FREM2: variants seen among roughly 807,000 people sequenced by gnomAD.
FREM2 encodes FRAS1 related extracellular matrix 2.
In FREM2, 119 loss-of-function variants were observed where a neutral mutation model predicts 219.9. The ratio of observed to expected loss-of-function variants is 0.54; its 90% CI spans 0.47 to 0.63. FREM2 has a LOEUF of 0.63. Ranked by LOEUF, FREM2 falls within the 30% of genes least tolerant of loss-of-function variation. FREM2 has a pLI of 0.00. For missense variants in FREM2, 4,030 were observed against 3,993.6 expected (o/e 1.01, Z -0.25); for synonymous variants, 1,562 against 1,522.8 (o/e 1.03, Z -0.60).
At chr13:38,871,483 G>A (rs1443776610) in intron 16 of FREM2, among the ~76,000 whole-genome samples, 3 of 152,076 alleles carry the variant, frequency 2.0e-5, no homozygotes, top group South Asian at 4.1e-4. Flanking sequence ...GCTATTTTGA[G>A]AATGAAATAT....
At chr13:38,832,250 C>T (rs1876539692) in intron 6 of FREM2, among the ~76,000 whole-genome samples, 1 of 151,960 alleles carries the variant, frequency 6.6e-6, no homozygotes, top group Admixed American at 6.6e-5. Flanking sequence ...AGCGACAGAG[C>T]AAGACTCTGT....
chr13:38,854,030 A>G (rs1280831754), intron 11 of FREM2, among the ~76,000 whole-genome samples: 2 of 151,868 alleles, frequency 1.3e-5, no homozygotes, highest in Non-Finnish European at 2.9e-5. Flanking sequence ...TGTGTTTTAT[A>G]ATGTTTATAT....
chr13:38,771,051 G>A lies in FREM2; in HGVS notation c.5641+1243G>A, dbSNP rs115251223. On this transcript the variant is annotated intron_variant, in intron 4 of 23. Transcript: ENST00000280481. ...GGTTTGCAAAGATACAATCTACAGA[G>A]TACATGAAATGGAGACCTGTGTGGA... Among the ~76,000 whole-genome samples the A allele has an allele frequency of 6.0e-3, 916 of 152,218 alleles. 19 individuals carry two copies. Among genetic ancestry groups the A allele is most frequent in the African/African-American group, 0.021 (889 of 41,538 alleles).
At chr13:38,741,026 C>A (rs1872220528) in intron 2 of FREM2, among the ~76,000 whole-genome samples, 1 of 152,156 alleles carries the variant, frequency 6.6e-6, no homozygotes, top group Non-Finnish European at 1.5e-5. Context: ...AGTATGTGTT[C>A]TTTTGCTTTA....
chr13:38,777,063 A>G (rs761994166), intron 4 of FREM2, among the ~76,000 whole-genome samples: 3 of 151,714 alleles, frequency 2.0e-5, no homozygotes, highest in South Asian at 4.1e-4. Flanking sequence ...ACATACTAAT[A>G]TACTATATAC....
At chr13:38,844,426 A>G (rs1217686978) in intron 6 of FREM2, among the ~76,000 whole-genome samples, 2 of 152,300 alleles carry the variant, frequency 1.3e-5, no homozygotes, top group East Asian at 1.9e-4. Flanking sequence ...TACTACACCC[A>G]TAAGACTTCC....
At chr13:38,714,912 C>A (rs1456376045) in intron 2 of FREM2, among the ~76,000 whole-genome samples, 1 of 136,990 alleles carries the variant, frequency 7.3e-6, no homozygotes, top group African/African-American at 2.7e-5. Flanking sequence ...ATGGAGAAAA[C>A]CCCCTCTACT....
At chr13:38,866,158 A>T (rs562764856) in intron 16 of FREM2, among the ~76,000 whole-genome samples, 188 of 152,260 alleles carry the variant, frequency 1.2e-3, no homozygotes, top group Non-Finnish European at 2.2e-3. Context: ...ACAAAATTGG[A>T]TATAGAAATA....
chr13:38,817,587 T>C (rs928667810), intron 6 of FREM2, among the ~76,000 whole-genome samples: 5 of 151,980 alleles, frequency 3.3e-5, no homozygotes, highest in African/African-American at 1.2e-4. Context: ...AGGATCTTAG[T>C]GTAAAATCTG....
intron 2 of FREM2, among the ~76,000 whole-genome samples, chr13:38,756,804 G>T (rs1193094634): frequency 2.0e-5 from 3 of 151,642 alleles, no homozygotes; most frequent in Non-Finnish European, 4.4e-5. Flanking sequence ...GCCTTCCAAA[G>T]TGCTGGGATT....
chr13:38,776,966 A>G (rs1243880862), intron 4 of FREM2, among the ~76,000 whole-genome samples: 1 of 152,076 alleles, frequency 6.6e-6, no homozygotes, highest in African/African-American at 2.4e-5. Flanking sequence ...CACCTTCACA[A>G]AGACAGCAGC....
At chr13:38,803,397 T>C (rs1175414700) in intron 6 of FREM2, among the ~76,000 whole-genome samples, 1 of 152,146 alleles carries the variant, frequency 6.6e-6, no homozygotes, top group East Asian at 1.9e-4. Context: ...ATGAAACCTG[T>C]GTCGCGTCTT....
At chr13:38,811,146 A>G (rs1225534274) in intron 6 of FREM2, among the ~76,000 whole-genome samples, 1 of 151,850 alleles carries the variant, frequency 6.6e-6, no homozygotes, top group African/African-American at 2.4e-5. Context: ...AATTTCTGTG[A>G]TATTAGTTGT....
intron 6 of FREM2, among the ~76,000 whole-genome samples, chr13:38,785,917 G>T (rs371603772): frequency 1.3e-5 from 2 of 152,052 alleles, no homozygotes; most frequent in East Asian, 3.9e-4. Context: ...ATTTGTTTTT[G>T]GTTTATTTTG....
intron 4 of FREM2, among the ~76,000 whole-genome samples, chr13:38,778,781 C>T (rs935284340): frequency 6.6e-6 from 1 of 151,832 alleles, no homozygotes; most frequent in Admixed American, 6.6e-5. Flanking sequence ...TGTACTTGTA[C>T]CCTGAACTTA....
chr13:38,851,643 C>T, intron 10 of FREM2, 43 bp from the exon 11 acceptor site: 2 of 1,389,042 alleles, frequency 1.4e-6, no homozygotes, highest in Non-Finnish European at 2.0e-6. Flanking sequence ...AAAGCATTCC[C>T]CTTACTAACA....
chr13:38,700,202 C>A (rs1870288196), intron 2 of FREM2, among the ~76,000 whole-genome samples: 1 of 152,044 alleles, frequency 6.6e-6, no homozygotes, highest in Non-Finnish European at 1.5e-5. Flanking sequence ...GAACAGAAGG[C>A]TCAGACCTCT....
At position 38,739,063 on chromosome 13, in the gene FREM2, A is replaced by G. The variant is rs144520343; in HGVS notation, c.5264-25241A>G. 9.7e-3 allele frequency among the ~76,000 whole-genome samples: 1,476 copies of G among 152,324 alleles called. 21 individuals carry two copies. Among genetic ancestry groups the G allele is most frequent in the African/African-American group, 0.033 (1,392 of 41,566 alleles). ...GGGGAGTAAGTAGTATCATATATAC[A>G]GAATGCTTGGCAATGTCCAGTCCAC... On this transcript the variant is annotated intron_variant, in intron 2 of 23. Coordinates refer to ENST00000280481, the MANE Select transcript of FREM2 (RefSeq NM_207361.6).
intron 2 of FREM2, among the ~76,000 whole-genome samples, chr13:38,758,901 C>T (rs1873122128): frequency 1.3e-5 from 2 of 152,156 alleles, no homozygotes; most frequent in African/African-American, 4.8e-5. Context: ...AGTGCAGTGG[C>T]TTACACCTAT....
Sources: gnomAD v4.1 joint callset for allele counts (sites outside exome capture counted in the v4.1 genomes callset) on GRCh38, gnomAD v4.1.1 for gene constraint, MANE v1.5 for transcripts, NCBI Gene and HGNC (gene_info 2026-07-23, HGNC 2026-07-21) for gene names.